CBX1: variants seen among roughly 807,000 people sequenced by gnomAD.
CBX1 encodes the protein chromobox 1, also known as chromobox protein homolog 1.
Under a neutral mutation model 25.1 loss-of-function variants are expected in CBX1, and 10 were observed. The observed-to-expected ratio is 0.40, with a 90% confidence interval of 0.25 to 0.68. The LOEUF (loss-of-function observed/expected upper bound fraction) is 0.68, where lower values mean the gene tolerates loss of function less well. Ranked by LOEUF, CBX1 falls within the 30% of genes least tolerant of loss-of-function variation. The pLI is 0.40. For synonymous variants in CBX1, 63 were observed against 79.4 expected, an observed-to-expected ratio of 0.79 and a Z score of 1.10; for missense variants, 106 against 218.5, an observed-to-expected ratio of 0.49 and a Z score of 3.25.
At chr17:48,087,314 C>T (rs1037208045) in intron 1 of CBX1, among the ~76,000 whole-genome samples, 3 of 152,040 alleles carry the variant, frequency 2.0e-5, no homozygotes, top group African/African-American at 7.2e-5. Context: ...TGATAGCTCA[C>T]GCCTGTAATC....
At chr17:48,080,000 T>C (rs2037715549) in intron 1 of CBX1, among the ~76,000 whole-genome samples, 1 of 152,238 alleles carries the variant, frequency 6.6e-6, no homozygotes, top group Admixed American at 6.5e-5. Context: ...GTTGAAATTT[T>C]AGTCCCTTAT....
intron 1 of CBX1, among the ~76,000 whole-genome samples, chr17:48,099,778 T>C (rs1021771083): frequency 6.6e-6 from 1 of 152,160 alleles, no homozygotes; most frequent in African/African-American, 2.4e-5. Flanking sequence ...TCCACCTCAA[T>C]TGCGTTAAAC....
intron 1 of CBX1, among the ~76,000 whole-genome samples, chr17:48,095,442 A>C (rs2144470545): frequency 6.6e-6 from 1 of 152,176 alleles, no homozygotes; most frequent in Middle Eastern, 3.4e-3. Context: ...ATGCAAAATT[A>C]GCTGGGCATG....
chr17:48,099,967 C>T (rs1469441420), intron 1 of CBX1, among the ~76,000 whole-genome samples: 3 of 151,708 alleles, frequency 2.0e-5, no homozygotes, highest in Non-Finnish European at 4.4e-5. Flanking sequence ...GGTGAAACCC[C>T]GTCTCTACTA....
intron 4 of CBX1, among the ~76,000 whole-genome samples, chr17:48,073,824 C>CAAAAAAAAAAAAAAAAA (rs60857566): frequency 0.012 from 957 of 82,414 alleles, 61 homozygotes; most frequent in East Asian, 0.02. Context: ...GAGACTGTCT[C>CAAAAAAAAAAAAAAAAA]AAAAAAAAAA....
intron 1 of CBX1, among the ~76,000 whole-genome samples, chr17:48,079,479 A>G (rs2037711147): frequency 6.6e-6 from 1 of 152,062 alleles, no homozygotes; most frequent in Non-Finnish European, 1.5e-5. Flanking sequence ...AACTTATTGT[A>G]TTTAGTTTAT....
At chr17:48,086,096 A>G (rs1247220471) in intron 1 of CBX1, among the ~76,000 whole-genome samples, 1 of 152,140 alleles carries the variant, frequency 6.6e-6, no homozygotes, top group Non-Finnish European at 1.5e-5. Flanking sequence ...AAAACAAAAA[A>G]AACCCAAAAC....
In CBX1 at chr17:48,071,445, TC is replaced by T; in HGVS notation, c.547del (p.Asp183ThrfsTer29). 6.2e-7 allele frequency: 1 copy of T among 1,609,982 alleles called. No individual in the cohort carries two copies. The highest frequency in any genetic ancestry group is 8.5e-7 in the Non-Finnish European group (1 of 1,178,652). ...TGGTACTCAGGAGCGTTAGTTCTTG[TC>T]ATCTTTTTTGTCATCATCCTCCGAG... ...YPSEDDDKKD[D>X]KN On this transcript the variant is annotated frameshift_variant, in exon 5 of 5. Coordinates refer to ENST00000225603, the MANE Select transcript of CBX1 (RefSeq NM_001127228.2). LOFTEE classifies it high-confidence loss of function.
intron 1 of CBX1, among the ~76,000 whole-genome samples, chr17:48,098,700 T>C (rs10853094): frequency 0.73 from 111,187 of 152,130 alleles, 41,290 homozygotes; most frequent in Admixed American, 0.82. Context: ...CCAGTATGGC[T>C]CCATTTTATG....
Position 48,071,261 on chromosome 17 carries a change from A to G in CBX1, c.*174T>C, listed in dbSNP as rs926257155. On this transcript the variant is annotated 3_prime_UTR_variant, in exon 5 of 5. Coordinates refer to ENST00000225603, the MANE Select transcript of CBX1 (RefSeq NM_001127228.2). ...CTCCACTGGGATGGGTGTGCAAACT[A>G]TACAGCTTGAAACGGCTTTAAAGCA... 3.0e-5 allele frequency: 17 copies of G among 561,354 alleles called. No homozygotes were observed. Among genetic ancestry groups the G allele is most frequent in the Admixed American group, 7.3e-5 (2 of 27,512 alleles). The allele number at this position is 561,354 out of a possible 1,614,324, so 34.8% of individuals were successfully genotyped here.
At chr17:48,083,827 CT>C (rs1339929761) in intron 1 of CBX1, among the ~76,000 whole-genome samples, 3 of 149,486 alleles carry the variant, frequency 2.0e-5, no homozygotes, top group African/African-American at 7.6e-5. Context: ...TCCATCCCCC[CT>C]CCAAAAAAAA....
intron 1 of CBX1, among the ~76,000 whole-genome samples, chr17:48,080,607 G>A (rs549411660): frequency 6.6e-6 from 1 of 151,896 alleles, no homozygotes; most frequent in South Asian, 2.1e-4. Flanking sequence ...AAACTGGCAT[G>A]TATAGACAGA....
In CBX1 at chr17:48,081,964, G is replaced by A. The variant is rs181467618; in HGVS notation, c.-37-4923C>T. Among the ~76,000 whole-genome samples, 15 of 152,236 alleles carry A rather than the reference G, an allele frequency of 9.9e-5. No homozygotes were observed. In the East Asian group the frequency reaches 2.9e-3, roughly 29 times the overall value. ...AGAAAGCTATTTGTCAAAATCAGTA[G>A]AGAGGTCAGGGCTCGGCAGCACACA... On this transcript the variant is annotated intron_variant, in intron 1 of 4. Coordinates refer to ENST00000225603, the MANE Select transcript of CBX1 (RefSeq NM_001127228.2).
At chr17:48,100,566 C>T in intron 1 of CBX1, 1 of 197,662 alleles carries the variant, frequency 5.1e-6, no homozygotes, top group East Asian at 1.9e-4. Flanking sequence ...AAGGACCCAT[C>T]AGGATGCAAG....
intron 1 of CBX1, among the ~76,000 whole-genome samples, chr17:48,089,404 C>A (rs377315212): frequency 1.1e-3 from 161 of 150,574 alleles, no homozygotes; most frequent in African/African-American, 3.7e-3. Flanking sequence ...CCTGGCCAGG[C>A]ATCTGCATCT....
At chr17:48,100,373 G>A (rs1041649065) in intron 1 of CBX1, among the ~76,000 whole-genome samples, 1 of 151,994 alleles carries the variant, frequency 6.6e-6, no homozygotes. Flanking sequence ...TCACCTTTGT[G>A]AGACCAGTTA....
intron 1 of CBX1, chr17:48,088,528 A>C (rs2063325575): frequency 1.3e-5 from 2 of 151,950 alleles, no homozygotes; most frequent in African/African-American, 2.4e-5. Flanking sequence ...CTGAGGCAGG[A>C]AAATCGCTTG....
intron 3 of CBX1, 95 bp downstream of exon 3, chr17:48,075,904 AAG>A (rs1398928656): frequency 2.2e-6 from 2 of 918,450 alleles, no homozygotes; most frequent in Admixed American, 5.1e-5. Flanking sequence ...CAGGACTAAG[AAG>A]AGACAGCTGC....
At chr17:48,085,323 A>G (rs2063306673) in intron 1 of CBX1, among the ~76,000 whole-genome samples, 1 of 152,294 alleles carries the variant, frequency 6.6e-6, no homozygotes, top group African/African-American at 2.4e-5. Context: ...AGGTCACACA[A>G]TTAAACGAAG....
Sources: gnomAD v4.1 joint callset for allele counts (sites outside exome capture counted in the v4.1 genomes callset) on GRCh38, gnomAD v4.1.1 for gene constraint, MANE v1.5 for transcripts, NCBI Gene and HGNC (gene_info 2026-07-23, HGNC 2026-07-21) for gene names.